MGLL: variants seen among roughly 807,000 people sequenced by gnomAD.
MGLL encodes lysophospholipase homolog.
Under a neutral mutation model 29.1 loss-of-function variants are expected in MGLL, and 7 were observed. The ratio of observed to expected loss-of-function variants is 0.24; its 90% CI spans 0.14 to 0.45. The LOEUF is 0.45. Ranked by LOEUF, MGLL falls within the 20% of genes least tolerant of loss-of-function variation. The probability of loss-of-function intolerance (pLI) is 0.99; values close to 1 mark genes in which losing one functional copy is unlikely to be tolerated. For synonymous variants in MGLL, 148 were observed against 168.3 expected (o/e 0.88, Z 0.93); for missense variants, 356 against 413.6 (o/e 0.86, Z 1.21).
chr3:127,730,089 T>C (rs940370610), intron 3 of MGLL, among the ~76,000 whole-genome samples: 6 of 152,342 alleles, frequency 3.9e-5, no homozygotes, highest in Admixed American at 3.3e-4. Flanking sequence ...CTGTCGTCTT[T>C]GACTTTAATT....
chr3:127,782,939 AG>A (rs2077153063), intron 2 of MGLL, among the ~76,000 whole-genome samples: 1 of 152,154 alleles, frequency 6.6e-6, no homozygotes, highest in Non-Finnish European at 1.5e-5. Flanking sequence ...CTATAATCCC[AG>A]CACTTTCGGA....
chr3:127,804,926 A>G (rs1454718650), intron 2 of MGLL, among the ~76,000 whole-genome samples: 1 of 152,168 alleles, frequency 6.6e-6, no homozygotes, highest in East Asian at 1.9e-4. Flanking sequence ...CAGTGGGAGA[A>G]GCCTTTCCTC....
intron 3 of MGLL, among the ~76,000 whole-genome samples, chr3:127,727,071 T>TA (rs2076059579): frequency 6.6e-6 from 1 of 152,210 alleles, no homozygotes; most frequent in Admixed American, 6.5e-5. Context: ...GTAAATGCCT[T>TA]ACATCCTGTA....
At chr3:127,769,124 G>A (rs546151297) in intron 3 of MGLL, among the ~76,000 whole-genome samples, 3 of 152,276 alleles carry the variant, frequency 2.0e-5, no homozygotes, top group South Asian at 4.2e-4. Flanking sequence ...GGCTGAGGTG[G>A]GCAGATCACC....
At chr3:127,749,773 A>G (rs2076521938) in intron 3 of MGLL, among the ~76,000 whole-genome samples, 1 of 152,112 alleles carries the variant, frequency 6.6e-6, no homozygotes, top group Admixed American at 6.5e-5. Flanking sequence ...GGGAGCGGGT[A>G]TGTGGTGCGT....
chr3:127,767,097 A>C lies in MGLL; in HGVS notation c.262+14692T>G, dbSNP rs188009686. Among the ~76,000 whole-genome samples the C allele has an allele frequency of 5.0e-4, 76 of 150,798 alleles. 1 individual carries two copies. The highest frequency in any genetic ancestry group is 1.7e-3 in the African/African-American group (69 of 41,026). On this transcript the variant is annotated intron_variant, in intron 3 of 7. Coordinates refer to ENST00000265052, the MANE Select transcript of MGLL (RefSeq NM_007283.7). ...AAAAAAAAAACAAAAAAACAAAAAA[A>C]ACCCCAAAAAACTAGTTAGGAAATT...
chr3:127,771,800 C>T (rs2076952945), intron 3 of MGLL, among the ~76,000 whole-genome samples: 1 of 152,164 alleles, frequency 6.6e-6, no homozygotes, highest in African/African-American at 2.4e-5. Flanking sequence ...AAGAGAAGCC[C>T]TACGTTAATT....
At chr3:127,785,831 C>T (rs565869692) in intron 2 of MGLL, among the ~76,000 whole-genome samples, 17 of 152,344 alleles carry the variant, frequency 1.1e-4, no homozygotes, top group South Asian at 2.1e-4. Flanking sequence ...GCAGAGAACA[C>T]GCCTGTGAGT....
intron 3 of MGLL, among the ~76,000 whole-genome samples, chr3:127,723,327 T>C (rs1457016195): frequency 6.6e-6 from 1 of 152,222 alleles, no homozygotes. Flanking sequence ...AAAGCGCTTC[T>C]GGAGAACTGG....
chr3:127,710,917 C>A, intron 5 of MGLL: 1 of 525,604 alleles, frequency 1.9e-6, no homozygotes. Flanking sequence ...GGTGGGAAGT[C>A]ACGTCTGAAT....
intron 2 of MGLL, among the ~76,000 whole-genome samples, chr3:127,817,493 A>G (rs2077778347): frequency 6.6e-6 from 1 of 152,196 alleles, no homozygotes; most frequent in African/African-American, 2.4e-5. Flanking sequence ...TGAGAGTGAG[A>G]TGTGTCCACT....
At chr3:127,769,039 T>G (rs1256629962) in intron 3 of MGLL, among the ~76,000 whole-genome samples, 1 of 152,164 alleles carries the variant, frequency 6.6e-6, no homozygotes, top group East Asian at 1.9e-4. Flanking sequence ...AGTCTCTGGG[T>G]AAAACTCTGC....
At chr3:127,797,171 G>C (rs192935881) in intron 2 of MGLL, among the ~76,000 whole-genome samples, 1 of 152,042 alleles carries the variant, frequency 6.6e-6, no homozygotes, top group Non-Finnish European at 1.5e-5. Flanking sequence ...CTGTGTGACC[G>C]CATCAAAATC....
intron 3 of MGLL, among the ~76,000 whole-genome samples, chr3:127,760,115 C>T (rs192905684): frequency 6.6e-5 from 10 of 152,212 alleles, no homozygotes; most frequent in Middle Eastern, 3.4e-3. Flanking sequence ...GGAAAGATGA[C>T]GGGAGGGAAG....
At chr3:127,749,829 T>C (rs1368298533) in intron 3 of MGLL, among the ~76,000 whole-genome samples, 1 of 152,132 alleles carries the variant, frequency 6.6e-6, no homozygotes, top group Non-Finnish European at 1.5e-5. Flanking sequence ...AGAGGAGGCC[T>C]AGCTGAGAAG....
At position 127,799,690 on chromosome 3, in the gene MGLL, C is replaced by G. The variant is rs987506624; in HGVS notation, c.156-17795G>C. Among the ~76,000 whole-genome samples, 94 of 152,264 alleles carry G rather than the reference C, an allele frequency of 6.2e-4. 2 individuals carry two copies. The highest frequency in any genetic ancestry group is 2.1e-4 in the Non-Finnish European group (14 of 68,022). On this transcript the variant is annotated intron_variant, in intron 2 of 7. Coordinates refer to ENST00000265052, the MANE Select transcript of MGLL (RefSeq NM_007283.7). ...CTCCCGGCTGTGCCTCAGGAAGAGA[C>G]AGTGAATCAGGCATCTTGGCAGCCC...
intron 3 of MGLL, among the ~76,000 whole-genome samples, chr3:127,752,770 C>T (rs1285118541): frequency 6.6e-6 from 1 of 152,172 alleles, no homozygotes; most frequent in African/African-American, 2.4e-5. Flanking sequence ...GCTGAGCTTC[C>T]CCAGCCCTGG....
intron 2 of MGLL, among the ~76,000 whole-genome samples, chr3:127,802,981 T>A (rs1281389776): frequency 1.3e-5 from 2 of 150,978 alleles, no homozygotes; most frequent in Non-Finnish European, 2.9e-5. Flanking sequence ...TCTCTCTCTC[T>A]CTCTCTTTTT....
intron 6 of MGLL, among the ~76,000 whole-genome samples, chr3:127,695,868 G>C (rs1339352062): frequency 6.6e-6 from 1 of 152,354 alleles, no homozygotes; most frequent in East Asian, 1.9e-4. Flanking sequence ...TTTAGCACTT[G>C]ATTTTTGTTC....
Sources: gnomAD v4.1 joint callset for allele counts (sites outside exome capture counted in the v4.1 genomes callset) on GRCh38, gnomAD v4.1.1 for gene constraint, MANE v1.5 for transcripts, NCBI Gene and HGNC (gene_info 2026-07-23, HGNC 2026-07-21) for gene names.